TACC3: variants seen among roughly 807,000 people sequenced by gnomAD.
The protein encoded by TACC3 is transforming acidic coiled-coil containing protein 3.
In TACC3, 52 loss-of-function variants were observed where a neutral mutation model predicts 86.0. That is an observed-to-expected ratio of 0.60 (90% CI 0.48 to 0.76). TACC3 has a LOEUF of 0.76. TACC3 is among the 30% of genes least tolerant of loss of function. The pLI, the probability that TACC3 is intolerant of heterozygous loss-of-function variation, is 0.00. For synonymous variants in TACC3, 512 were observed against 430.0 expected, an observed-to-expected ratio of 1.19 and a Z score of -2.36; for missense variants, 1,120 against 1,070.4, an observed-to-expected ratio of 1.05 and a Z score of -0.65.
At position 1,740,314 on chromosome 4, in the gene TACC3, C is replaced by T. The variant is rs1395172616; in HGVS notation, c.2062+312C>T. 2.7e-5 allele frequency: 14 copies of T among 510,080 alleles called. No homozygotes were observed. In the East Asian group the frequency reaches 4.4e-4, roughly 16 times the overall value. 31.6% of individuals were successfully genotyped at this position (510,080 alleles called of 1,614,324 possible). A position where few individuals can be genotyped will look rare whatever the true frequency, so the allele number is the denominator to read the frequency against. On this transcript the variant is annotated intron_variant, in intron 12 of 15. Transcript: ENST00000313288. ...CGTGGCCTACCCCACTCCACCCTGC[C>T]CTCGCCGTGCGGCTATGTCTAGCAG...
At chr4:1,744,876 T>C (rs1469734415) in intron 15 of TACC3, 44 bp downstream of exon 15, 1 of 1,612,612 alleles carries the variant, frequency 6.2e-7, no homozygotes, top group East Asian at 2.2e-5. Flanking sequence ...TGGCAGCACC[T>C]TCTAGAAGGC....
intron 6 of TACC3, among the ~76,000 whole-genome samples, chr4:1,731,506 A>T (rs1017764115): frequency 9.2e-5 from 14 of 152,336 alleles, no homozygotes; most frequent in Admixed American, 6.5e-5. Flanking sequence ...CTTTAACATA[A>T]AAGACTTCTA....
In TACC3 at chr4:1,728,753, C is replaced by A; in HGVS notation, c.1351C>A (p.Pro451Thr). The A allele has an allele frequency of 6.2e-7, 1 of 1,610,864 alleles. No individual in the cohort carries two copies. ...AGCGGCTGAACAGTTGCATGCTGGG[C>A]CTGCCACGGAGGAGCCAGGTCCCTG... is the stretch of plus-strand genomic sequence containing the variant. The part of the protein sequence containing the change: ...QPAAEQLHAG[P>T]ATEEPGPCLS... The change falls in exon 4 of 16, where the codon CCT becomes ACT. Residue 451 changes from proline to threonine, a missense_variant. Coordinates refer to ENST00000313288, the MANE Select transcript of TACC3 (RefSeq NM_006342.3).
At chr4:1,729,906 C>T (rs543415203) in intron 4 of TACC3, among the ~76,000 whole-genome samples, 2 of 152,328 alleles carry the variant, frequency 1.3e-5, no homozygotes, top group East Asian at 1.9e-4. Context: ...CTGGTGTTAC[C>T]GCTAGACCAG....
Position 1,731,163 on chromosome 4 carries a change from T to C in TACC3, c.1462-9T>C. 1 of 1,613,160 alleles carries C rather than the reference T, an allele frequency of 6.2e-7. No individual in the cohort carries two copies. Among genetic ancestry groups the C allele is most frequent in the Non-Finnish European group, 8.5e-7 (1 of 1,179,920 alleles). The stretch of plus-strand genomic sequence containing the variant: ...GCACTGCACAGGGTGACTCTGCCCT[T>C]TCCTCCAGGAGAGAGCCTTGAACTC... On this transcript the variant is annotated splice_polypyrimidine_tract_variant and intron_variant, in intron 5 of 15. Coordinates refer to ENST00000313288, the MANE Select transcript of TACC3 (RefSeq NM_006342.3).
chr4:1,735,350 GC>G lies in TACC3; in HGVS notation c.1644+27del. On this transcript the variant is annotated intron_variant, in intron 7 of 15. Coordinates refer to ENST00000313288, the MANE Select transcript of TACC3 (RefSeq NM_006342.3). The surrounding 1 kb of genome is among the most constrained non-coding windows in gnomAD (Gnocchi z 4.2). ...GGTAGGTACCAGGCAATTCCGCGAA[GC>G]CTCACCCACAGGGTGTCCGAGAGCA... 6.2e-7 allele frequency: 1 copy of G among 1,613,752 alleles called. No individual in the cohort carries two copies. The highest frequency in any genetic ancestry group is 8.5e-7 in the Non-Finnish European group (1 of 1,179,964).
upstream of TACC3, chr4:1,720,732 G>A: frequency 6.4e-7 from 1 of 1,570,514 alleles, no homozygotes; most frequent in Non-Finnish European, 8.6e-7. This position sits in a 1 kb window ranked among gnomAD's most constrained non-coding sequence, Gnocchi z 4.4. Context: ...CCCGACAGCA[G>A]GTTCTGCACC....
rs201717491 is a variant in TACC3 at position 1,730,916 on chromosome 4, C to T, written c.1415C>T (p.Thr472Met). ...QQLHSASAED[T>M]PVVQLAAETP... ...CTGCATTCAGCCTCAGCGGAGGACA[C>T]GCCTGTGGTGCAGTTGGCAGCCGAG... The change falls in exon 5 of 16, where the codon ACG (threonine) becomes ATG (methionine). Residue 472 changes from threonine to methionine, a missense_variant. Thr to Met is a moderately conservative substitution (Grantham distance 81, BLOSUM62 -1). Coordinates refer to ENST00000313288, the MANE Select transcript of TACC3 (RefSeq NM_006342.3). The T allele has an allele frequency of 2.9e-5, 47 of 1,613,374 alleles. No individual in the cohort carries two copies. The highest frequency in any genetic ancestry group is 2.1e-4 in the South Asian group (19 of 91,080).
intron 4 of TACC3, among the ~76,000 whole-genome samples, chr4:1,729,059 A>G (rs1717869043): frequency 6.6e-6 from 1 of 152,114 alleles, no homozygotes; most frequent in East Asian, 1.9e-4. Context: ...AATGCAACCA[A>G]CCCTGGGCAG....
Position 1,728,581 on chromosome 4 carries a change from C to T in TACC3, c.1179C>T (p.Asp393=), listed in dbSNP as rs201356524. 3.3e-4 allele frequency: 535 copies of T among 1,612,316 alleles called. No individual in the cohort carries two copies. Among genetic ancestry groups the T allele is most frequent in the Non-Finnish European group, 4.5e-4 (525 of 1,178,692 alleles). ...EDDGRSGAGE[D]PPMPASRGSY... ...ACGGTAGGAGCGGAGCAGGAGAGGA[C>T]CCCCCCATGCCAGCTTCTCGGGGCT... is the stretch of plus-strand genomic sequence containing the variant. The change falls in exon 4 of 16, where the codon GAC becomes GAT. Residue 393 remains aspartate (D), a synonymous_variant. Transcript: ENST00000313288.
Position 1,728,360 on chromosome 4 carries a change from G to A in TACC3, c.958G>A (p.Glu320Lys). The A allele has an allele frequency of 1.9e-6, 3 of 1,613,200 alleles. No individual in the cohort carries two copies. The highest frequency in any genetic ancestry group is 2.5e-6 in the Non-Finnish European group (3 of 1,180,034). ...AGRAMTLSPQ[E>K]EVAAGQMASS... ...CAGGGCCATGACCCTGAGTCCTCAG[G>A]AAGAAGTGGCTGCAGGCCAAATGGC... The change falls in exon 4 of 16, where the codon GAA (glutamate) becomes AAA (lysine). Residue 320 changes from glutamate to lysine, a missense_variant. Glu to Lys is a moderately conservative substitution (Grantham distance 56, BLOSUM62 1). Coordinates refer to ENST00000313288, the MANE Select transcript of TACC3 (RefSeq NM_006342.3).
At position 1,737,613 on chromosome 4, in the gene TACC3, C is replaced by T; in HGVS notation, c.1852C>T (p.Pro618Ser). ...TCTCCCGCAGGTGCCAGGCCCACCC[C>T]CAGGTGTTCCCGCGCCTGGGGGCCC... is the stretch of plus-strand genomic sequence containing the variant. Reference protein sequence around the residue: ...ALDIPVPGPPPGVPAPGGPPL... With the variant: ...ALDIPVPGPPSGVPAPGGPPL... The change falls in exon 10 of 16, where the codon CCA (proline) becomes TCA (serine). Residue 618 changes from proline (P) to serine (S), a missense_variant. Physicochemically the swap from Pro to Ser is moderately conservative, Grantham distance 74. Transcript: ENST00000313288. 2 of 1,520,720 alleles carry T rather than the reference C, an allele frequency of 1.3e-6. No homozygotes were observed. Among genetic ancestry groups the T allele is most frequent in the Admixed American group, 2.1e-5 (1 of 47,774 alleles). 94.2% of individuals were successfully genotyped at this position (1,520,720 alleles called of 1,614,324 possible). A position where few individuals can be genotyped will look rare whatever the true frequency, so the allele number is the denominator to read the frequency against.
In TACC3 at chr4:1,731,159, C is replaced by T. The variant is rs769060911; in HGVS notation, c.1462-13C>T. On this transcript the variant is annotated splice_polypyrimidine_tract_variant and intron_variant, in intron 5 of 15. Coordinates refer to ENST00000313288, the MANE Select transcript of TACC3 (RefSeq NM_006342.3). ...GACTGCACTGCACAGGGTGACTCTG[C>T]CCTTTCCTCCAGGAGAGAGCCTTGA... The T allele has an allele frequency of 6.2e-7, 1 of 1,613,082 alleles. No homozygotes were observed. Among genetic ancestry groups the T allele is most frequent in the Non-Finnish European group, 8.5e-7 (1 of 1,179,872 alleles).
intron 3 of TACC3, among the ~76,000 whole-genome samples, chr4:1,726,819 G>A (rs1717712142): frequency 1.3e-5 from 2 of 152,212 alleles, no homozygotes; most frequent in East Asian, 1.9e-4. Context: ...GCAGGTGCTC[G>A]AATGGATTTT....
In TACC3 at chr4:1,728,049, C is replaced by T; in HGVS notation, c.647C>T (p.Thr216Ile). ...CRTESQHKAETPHGAEEECKA... is the reference protein window; with the variant it reads ...CRTESQHKAEIPHGAEEECKA... ...ACAGAGTCCCAGCACAAAGCGGAGA[C>T]TCCGCACGGAGCCGAGGAAGAATGC... Residue 216 changes from threonine to isoleucine, a missense_variant, in exon 4 of 16, where the codon ACT becomes ATT. By Grantham distance (89) the Thr-to-Ile change is moderately conservative (BLOSUM62 -1). Coordinates refer to ENST00000313288, the MANE Select transcript of TACC3 (RefSeq NM_006342.3). 1 of 1,542,508 alleles carries T rather than the reference C, an allele frequency of 6.5e-7. No individual in the cohort carries two copies. Among genetic ancestry groups the T allele is most frequent in the South Asian group, 1.3e-5 (1 of 79,056 alleles).
chr4:1,732,089 G>C (rs1461458010), intron 6 of TACC3, among the ~76,000 whole-genome samples: 1 of 152,226 alleles, frequency 6.6e-6, no homozygotes, highest in Admixed American at 6.5e-5. Flanking sequence ...AAGATTGGAG[G>C]CTGCAGTTAA....
chr4:1,723,185 A>G, intron 1 of TACC3: 1 of 559,416 alleles, frequency 1.8e-6, no homozygotes, highest in Non-Finnish European at 3.2e-6. Flanking sequence ...CCCAGGAAGC[A>G]GCAGTGCTGC....
rs781028261 is a variant in TACC3 at position 1,735,767 on chromosome 4, C to G, written c.1681C>G (p.Leu561Val). The change falls in exon 8 of 16, where the codon CTC (leucine) becomes GTC (valine). Residue 561 changes from leucine to valine, a missense_variant. Leu to Val is a conservative substitution (Grantham distance 32). Transcript: ENST00000313288. This position sits in a 1 kb window ranked among gnomAD's most constrained non-coding sequence, Gnocchi z 4.2. Reference sequence around the variant, plus strand: ...GGCCTTGAGGAAGCAGTCCTTATACCTCAAGTTCGACCCCCTCCTGAGGGA... The same window carrying G: ...GGCCTTGAGGAAGCAGTCCTTATACGTCAAGTTCGACCCCCTCCTGAGGGA... ...ESALRKQSLY[L>V]KFDPLLRDSP... The G allele has an allele frequency of 1.9e-6, 3 of 1,612,934 alleles. No individual in the cohort carries two copies. Among genetic ancestry groups the G allele is most frequent in the African/African-American group, 2.7e-5 (2 of 74,862 alleles).
chr4:1,734,942 TAA>T (rs1204158175), intron 6 of TACC3, among the ~76,000 whole-genome samples: 1 of 152,226 alleles, frequency 6.6e-6, no homozygotes, highest in African/African-American at 2.4e-5. Flanking sequence ...TATCAAAAAT[TAA>T]AAGACTTGTC....
Sources: allele counts gnomAD v4.1 joint callset (sites outside exome capture counted in the v4.1 genomes callset), GRCh38; gene constraint gnomAD v4.1.1; non-coding constraint Gnocchi (gnomAD v3.1); transcripts MANE v1.5; gene names NCBI Gene and HGNC (gene_info 2026-07-23, HGNC 2026-07-21).